MGAT4C: variants seen among roughly 807,000 people sequenced by gnomAD.
MGAT4C encodes the protein alpha-1,3-mannosyl-glycoprotein 4-beta-N-acetylglucosaminyltransferase C.
In MGAT4C, 19 loss-of-function variants were observed where a neutral mutation model predicts 40.1. The ratio of observed to expected loss-of-function variants is 0.47; its 90% CI spans 0.33 to 0.70. The LOEUF (loss-of-function observed/expected upper bound fraction) is 0.70. Among genes scored for constraint, MGAT4C ranks in the 30% least tolerant of loss-of-function variants. The pLI is 0.02. For missense variants in MGAT4C, 491 were observed against 563.2 expected, an observed-to-expected ratio of 0.87 and a Z score of 1.30; for synonymous variants, 181 against 187.1, an observed-to-expected ratio of 0.97 and a Z score of 0.27.
intron 2 of MGAT4C, among the ~76,000 whole-genome samples, chr12:86,576,133 G>C (rs1230724350): frequency 6.6e-6 from 1 of 151,680 alleles, no homozygotes; most frequent in Admixed American, 6.6e-5. Flanking sequence ...GTTTCCTTTT[G>C]AGAAATGTCT....
At chr12:86,623,511 T>C (rs1411086155) in intron 2 of MGAT4C, among the ~76,000 whole-genome samples, 1 of 152,120 alleles carries the variant, frequency 6.6e-6, no homozygotes, top group African/African-American at 2.4e-5. Flanking sequence ...ACAATGCAAG[T>C]TGAAAAGACA....
At chr12:85,996,794 GAAGA>G (rs763876135) in intron 2 of MGAT4C, among the ~76,000 whole-genome samples, 44 of 151,932 alleles carry the variant, frequency 2.9e-4, no homozygotes, top group Non-Finnish European at 5.1e-4. Context: ...AATAAAGGAG[GAAGA>G]AAGGAAAGAA....
intron 2 of MGAT4C, among the ~76,000 whole-genome samples, chr12:86,439,886 A>G (rs1424099055): frequency 6.6e-6 from 1 of 152,154 alleles, no homozygotes; most frequent in East Asian, 1.9e-4. Context: ...GGAAGTGGAT[A>G]AATTCCTGAA....
chr12:86,174,711 A>G (rs1360351060), intron 1 of MGAT4C, among the ~76,000 whole-genome samples: 1 of 152,166 alleles, frequency 6.6e-6, no homozygotes, highest in Non-Finnish European at 1.5e-5. Context: ...ATAAAACTTC[A>G]TCTTAGGATT....
At chr12:86,601,458 TG>T (rs1961774650) in intron 2 of MGAT4C, among the ~76,000 whole-genome samples, 1 of 152,056 alleles carries the variant, frequency 6.6e-6, no homozygotes, top group Non-Finnish European at 1.5e-5. Context: ...CTCAAGCCCC[TG>T]GGGACTACTG....
Position 86,127,645 on chromosome 12 carries a change from T to C in MGAT4C, c.-56-77922A>G, listed in dbSNP as rs925667589. Among the ~76,000 whole-genome samples the C allele has an allele frequency of 3.3e-5, 5 of 152,180 alleles. No homozygotes were observed. The East Asian group carries it at 7.7e-4, about 23-fold the overall frequency. On this transcript the variant is annotated intron_variant, in intron 1 of 4. Transcript: ENST00000611864. ...CACATTATGCAGCTTTACAAAAATA[T>C]TTTCTTTATATTCTTATTCTATAAG...
At chr12:86,313,789 T>C (rs1378884049) in intron 4 of MGAT4C, among the ~76,000 whole-genome samples, 2 of 152,192 alleles carry the variant, frequency 1.3e-5, no homozygotes, top group Non-Finnish European at 2.9e-5. Context: ...CAAATATTAG[T>C]ATTAAATACC....
At chr12:86,406,141 T>C (rs1478591354) in intron 3 of MGAT4C, among the ~76,000 whole-genome samples, 1 of 149,578 alleles carries the variant, frequency 6.7e-6, no homozygotes, top group Non-Finnish European at 1.5e-5. Context: ...ATCATAGAAT[T>C]AAATGTAAAA....
intron 3 of MGAT4C, among the ~76,000 whole-genome samples, chr12:86,394,066 GAAT>G (rs1956204224): frequency 6.6e-6 from 1 of 152,058 alleles, no homozygotes; most frequent in Admixed American, 6.6e-5. Flanking sequence ...TCTTCTCCCA[GAAT>G]AATAATAGCA....
chr12:86,541,940 A>T (rs902556261), intron 2 of MGAT4C, among the ~76,000 whole-genome samples: 4 of 152,214 alleles, frequency 2.6e-5, no homozygotes, highest in Non-Finnish European at 5.9e-5. Context: ...CCAAGTATTT[A>T]TTAAAATGTT....
chr12:86,237,227 G>A (rs1402348062), intron 1 of MGAT4C, among the ~76,000 whole-genome samples: 9 of 151,388 alleles, frequency 5.9e-5, no homozygotes, highest in African/African-American at 1.7e-4. Context: ...TAAAAGTTCC[G>A]GATATAGATA....
rs1298195696 is a variant in MGAT4C at position 85,974,846 on chromosome 12, A to G, written c.*4443T>C. The stretch of plus-strand genomic sequence containing the variant: ...ACTAGCAGATAAGATACCTATTTCA[A>G]ACATCAGTGCCAAGGTAATTTATAG... On this transcript the variant is annotated 3_prime_UTR_variant, in exon 5 of 5. Transcript: ENST00000611864. 1 of 150,710 alleles carries G rather than the reference A, an allele frequency of 6.6e-6. No homozygotes were observed. Among genetic ancestry groups the G allele is most frequent in the South Asian group, 2.1e-4 (1 of 4,822 alleles). 9.3% of individuals were successfully genotyped at this position (150,710 alleles called of 1,614,324 possible).
chr12:86,277,044 C>T (rs10776955), intron 4 of MGAT4C, among the ~76,000 whole-genome samples: 102,227 of 152,012 alleles, frequency 0.67, 34,782 homozygotes, highest in South Asian at 0.78. Flanking sequence ...ATTTACATTC[C>T]TATCAACAGC....
At chr12:86,241,987 C>T (rs1334426182) in intron 1 of MGAT4C, among the ~76,000 whole-genome samples, 1 of 152,084 alleles carries the variant, frequency 6.6e-6, no homozygotes, top group African/African-American at 2.4e-5. Context: ...CTGTATTTAC[C>T]TTTGGTGGCC....
chr12:86,111,496 A>G (rs1267380970), intron 1 of MGAT4C, among the ~76,000 whole-genome samples: 6 of 151,838 alleles, frequency 4.0e-5, no homozygotes, highest in Non-Finnish European at 7.4e-5. Context: ...GAGAGATGAC[A>G]AATATGCCTA....
At chr12:86,425,194 T>C (rs1464850184) in intron 3 of MGAT4C, among the ~76,000 whole-genome samples, 1 of 152,218 alleles carries the variant, frequency 6.6e-6, no homozygotes, top group Non-Finnish European at 1.5e-5. Context: ...CATTATACTA[T>C]GCAGTCTTTC....
chr12:86,569,197 A>G (rs1960263533), intron 2 of MGAT4C, among the ~76,000 whole-genome samples: 1 of 152,106 alleles, frequency 6.6e-6, no homozygotes, highest in South Asian at 2.1e-4. Context: ...ACTATATTAT[A>G]CTGAAAACCT....
intron 1 of MGAT4C, among the ~76,000 whole-genome samples, chr12:86,062,321 A>G (rs1237078565): frequency 6.6e-6 from 1 of 152,176 alleles, no homozygotes; most frequent in East Asian, 1.9e-4. Flanking sequence ...ACAGAAAGGG[A>G]TAGCGTCAAG....
chr12:86,667,528 T>A (rs1042003737), intron 2 of MGAT4C, among the ~76,000 whole-genome samples: 1 of 152,122 alleles, frequency 6.6e-6, no homozygotes, highest in Non-Finnish European at 1.5e-5. Context: ...ATAGCATCAG[T>A]TTCATAAGCC....
Sources: allele counts gnomAD v4.1 joint callset (sites outside exome capture counted in the v4.1 genomes callset), GRCh38; gene constraint gnomAD v4.1.1; transcripts MANE v1.5; gene names NCBI Gene and HGNC (gene_info 2026-07-23, HGNC 2026-07-21).